Variants in PLPPR1 observed in about 807,000 individuals in gnomAD.
The protein encoded by PLPPR1 is phospholipid phosphatase-related protein type 1.
PLPPR1 carries 10 observed loss-of-function variants against 33.1 expected under a neutral mutation model. The observed-to-expected ratio is 0.30, with a 90% CI of 0.19 to 0.51. PLPPR1 has a LOEUF of 0.51. PLPPR1 is among the 20% of genes least tolerant of loss of function. The pLI is 0.97. For synonymous variants in PLPPR1, 151 were observed against 151.0 expected (o/e 1.00, Z 0.00); for missense variants, 304 against 408.1 (o/e 0.74, Z 2.20).
intron 1 of PLPPR1, among the ~76,000 whole-genome samples, chr9:101,178,123 T>C (rs895998218): frequency 2.1e-4 from 32 of 152,172 alleles, no homozygotes; most frequent in African/African-American, 7.5e-4. Flanking sequence ...AATGATCAAG[T>C]GGATAGAATG....
intron 1 of PLPPR1, among the ~76,000 whole-genome samples, chr9:101,122,504 A>T (rs559774344): frequency 6.6e-6 from 1 of 152,348 alleles, no homozygotes; most frequent in South Asian, 2.1e-4. Flanking sequence ...AGGAAAAAAT[A>T]AGGTTAATCA....
chr9:101,124,371 G>A (rs1222242370), intron 1 of PLPPR1, among the ~76,000 whole-genome samples: 1 of 152,196 alleles, frequency 6.6e-6, no homozygotes, highest in Non-Finnish European at 1.5e-5. Flanking sequence ...GTAGAGAGAA[G>A]CTCAGTCAGA....
At chr9:101,272,059 T>G (rs1016157510) in intron 3 of PLPPR1, among the ~76,000 whole-genome samples, 1 of 147,376 alleles carries the variant, frequency 6.8e-6, no homozygotes, top group Admixed American at 6.8e-5. Context: ...AATGAAAATA[T>G]AAACTTAAGA....
intron 1 of PLPPR1, among the ~76,000 whole-genome samples, chr9:101,131,192 T>A (rs370173444): frequency 6.6e-6 from 1 of 152,210 alleles, no homozygotes; most frequent in Non-Finnish European, 1.5e-5. Flanking sequence ...AATGCCCTGG[T>A]ACAGCATTCT....
intron 2 of PLPPR1, among the ~76,000 whole-genome samples, chr9:101,233,738 A>G (rs887881454): frequency 6.6e-6 from 1 of 151,938 alleles, no homozygotes; most frequent in African/African-American, 2.4e-5. Flanking sequence ...AGGACTGTCC[A>G]TTATAAGTCT....
At chr9:101,137,527 G>T (rs1831391310) in intron 1 of PLPPR1, among the ~76,000 whole-genome samples, 1 of 152,276 alleles carries the variant, frequency 6.6e-6, no homozygotes, top group Admixed American at 6.5e-5. Flanking sequence ...GGGTGGAGGT[G>T]GTCCTGTGTT....
At chr9:101,116,498 G>A (rs923597275) in intron 1 of PLPPR1, among the ~76,000 whole-genome samples, 15 of 152,154 alleles carry the variant, frequency 9.9e-5, no homozygotes, top group Admixed American at 9.8e-4. Flanking sequence ...GGGATATATT[G>A]CTGTTGTACT....
At chr9:101,218,914 G>T (rs1050544045) in intron 2 of PLPPR1, among the ~76,000 whole-genome samples, 1 of 152,146 alleles carries the variant, frequency 6.6e-6, no homozygotes, top group African/African-American at 2.4e-5. Context: ...ATTAAAATGA[G>T]CACAGGGAAA....
chr9:101,300,493 A>C (rs114286702), intron 4 of PLPPR1, among the ~76,000 whole-genome samples: 7,234 of 152,226 alleles, frequency 0.048, 531 homozygotes, highest in African/African-American at 0.16. Flanking sequence ...AACATAATGA[A>C]ATTGTTTAGG....
chr9:101,180,161 C>T (rs1359204240), intron 1 of PLPPR1, among the ~76,000 whole-genome samples: 1 of 127,620 alleles, frequency 7.8e-6, no homozygotes, highest in Non-Finnish European at 1.7e-5. Context: ...CACACACACA[C>T]ATACACACAC....
At chr9:101,218,645 A>G (rs1826855796) in intron 2 of PLPPR1, among the ~76,000 whole-genome samples, 1 of 152,310 alleles carries the variant, frequency 6.6e-6, no homozygotes, top group South Asian at 2.1e-4. Flanking sequence ...TACTATTTTT[A>G]TTAGCAAAGC....
intron 1 of PLPPR1, among the ~76,000 whole-genome samples, chr9:101,065,901 C>A (rs1031272708): frequency 4.6e-5 from 7 of 152,060 alleles, no homozygotes; most frequent in African/African-American, 1.7e-4. Flanking sequence ...ATAACCCTCA[C>A]CTAACTTCCC....
At chr9:101,131,036 A>T (rs959569836) in intron 1 of PLPPR1, among the ~76,000 whole-genome samples, 2 of 152,218 alleles carry the variant, frequency 1.3e-5, no homozygotes, top group Admixed American at 1.3e-4. Context: ...AATCATGTTA[A>T]TATTAGAAAT....
chr9:101,042,547 C>T (rs1830088930), intron 1 of PLPPR1, among the ~76,000 whole-genome samples: 1 of 152,126 alleles, frequency 6.6e-6, no homozygotes, highest in East Asian at 1.9e-4. Flanking sequence ...GGTTACCTGC[C>T]AAGGTAGATT....
chr9:101,225,076 A>G (rs919630336), intron 2 of PLPPR1, among the ~76,000 whole-genome samples: 1 of 152,138 alleles, frequency 6.6e-6, no homozygotes, highest in Non-Finnish European at 1.5e-5. Flanking sequence ...AGTTTATATT[A>G]ATTAGCCTAT....
At chr9:101,213,227 G>T (rs568364844) in intron 2 of PLPPR1, among the ~76,000 whole-genome samples, 35 of 152,062 alleles carry the variant, frequency 2.3e-4, no homozygotes, top group Non-Finnish European at 4.1e-4. Flanking sequence ...TTTTATAATA[G>T]TTTAGCCATT....
chr9:101,245,219 AATT>A (rs1827565853), intron 2 of PLPPR1, among the ~76,000 whole-genome samples: 1 of 152,070 alleles, frequency 6.6e-6, no homozygotes, highest in Admixed American at 6.6e-5. Flanking sequence ...TGATCAAGAT[AATT>A]CATAGCAATT....
chr9:101,219,361 G>T, intron 2 of PLPPR1, among the ~76,000 whole-genome samples: 1 of 152,166 alleles, frequency 6.6e-6, no homozygotes, highest in East Asian at 1.9e-4. Flanking sequence ...CTGAAATCTG[G>T]AAGTATTCTG....
intron 4 of PLPPR1, among the ~76,000 whole-genome samples, chr9:101,302,626 G>A (rs970200006): frequency 1.3e-5 from 2 of 152,176 alleles, no homozygotes; most frequent in Non-Finnish European, 2.9e-5. Context: ...ATCAGAATGT[G>A]GTTGGGGAAA....
Sources: allele counts gnomAD v4.1 joint callset (sites outside exome capture counted in the v4.1 genomes callset), GRCh38; gene constraint gnomAD v4.1.1; transcripts MANE v1.5; gene names NCBI Gene and HGNC (gene_info 2026-07-23, HGNC 2026-07-21).